The following WWTR1 variants were observed in gnomAD, a reference collection of about 807,000 sequenced individuals.
WWTR1 encodes WW domain-containing transcription regulator protein 1.
A neutral mutation model predicts 40.1 loss-of-function variants in WWTR1; 13 were observed. That is an observed-to-expected ratio of 0.32 (90% CI 0.21 to 0.52). The LOEUF is 0.52. Ranked by LOEUF, WWTR1 falls within the 20% of genes least tolerant of loss-of-function variation. The pLI, the probability that WWTR1 is intolerant of heterozygous loss-of-function variation, is 0.97. For missense variants in WWTR1, 436 were observed against 523.1 expected, an observed-to-expected ratio of 0.83 and a Z score of 1.63; for synonymous variants, 230 against 210.1, an observed-to-expected ratio of 1.09 and a Z score of -0.82.
chr3:149,565,971 A>C (rs537399342), intron 3 of WWTR1, among the ~76,000 whole-genome samples: 1 of 151,984 alleles, frequency 6.6e-6, no homozygotes, highest in Admixed American at 6.5e-5. Context: ...CGAAACCCCA[A>C]AGAAGGTAGC....
chr3:149,723,020 G>A (rs2108239427), intron 4 of WWTR1, among the ~76,000 whole-genome samples: 1 of 151,796 alleles, frequency 6.6e-6, no homozygotes, highest in Non-Finnish European at 1.5e-5. Context: ...CTCTTTTAGG[G>A]ACAATTTCTT....
At chr3:149,566,519 A>G (rs1737336091) in intron 3 of WWTR1, among the ~76,000 whole-genome samples, 2 of 152,232 alleles carry the variant, frequency 1.3e-5, no homozygotes, top group South Asian at 4.1e-4. Flanking sequence ...AAATCACAGT[A>G]GCCAGATGTG....
At chr3:149,586,738 C>A (rs1004588563) in intron 2 of WWTR1, among the ~76,000 whole-genome samples, 1 of 152,174 alleles carries the variant, frequency 6.6e-6, no homozygotes, top group Admixed American at 6.5e-5. Context: ...TTCGAACTTT[C>A]AGTCCCACAC....
At chr3:149,674,045 C>T (rs559046073) in intron 1 of WWTR1, among the ~76,000 whole-genome samples, 1 of 71,658 alleles carries the variant, frequency 1.4e-5, no homozygotes, top group African/African-American at 5.0e-5. Flanking sequence ...CATAGTAAGA[C>T]CTCGTCTCTA....
intron 2 of WWTR1, among the ~76,000 whole-genome samples, chr3:149,614,385 T>C (rs1739873200): frequency 6.6e-6 from 1 of 152,222 alleles, no homozygotes; most frequent in Non-Finnish European, 1.5e-5. Context: ...AGTAACATAC[T>C]GTACAGTTTT....
At chr3:149,562,016 C>T (rs534092605) in intron 3 of WWTR1, among the ~76,000 whole-genome samples, 2 of 152,090 alleles carry the variant, frequency 1.3e-5, no homozygotes, top group Non-Finnish European at 1.5e-5. Flanking sequence ...TATTTACTGG[C>T]CAGGCGCAGT....
chr3:149,525,017 G>A (rs1735231023), intron 6 of WWTR1, among the ~76,000 whole-genome samples: 1 of 152,130 alleles, frequency 6.6e-6, no homozygotes, highest in African/African-American at 2.4e-5. Flanking sequence ...ACTAACTTCA[G>A]TTTCTGCAAT....
chr3:149,536,352 T>C, intron 4 of WWTR1, among the ~76,000 whole-genome samples: 1 of 152,194 alleles, frequency 6.6e-6, no homozygotes. Context: ...AATGCTTTTC[T>C]AAAAGTTAAA....
chr3:149,694,432 A>G (rs1456333054), intron 1 of WWTR1, among the ~76,000 whole-genome samples: 3 of 152,154 alleles, frequency 2.0e-5, no homozygotes, highest in Non-Finnish European at 4.4e-5. Context: ...AACAACAACA[A>G]AAAAACAAGG....
chr3:149,553,918 A>T (rs1736717461), intron 3 of WWTR1, among the ~76,000 whole-genome samples: 1 of 152,150 alleles, frequency 6.6e-6, no homozygotes, highest in Non-Finnish European at 1.5e-5. Flanking sequence ...GCCTTGACTC[A>T]GTCACGATAC....
chr3:149,699,292 C>CTTTT (rs35576449), intron 1 of WWTR1, among the ~76,000 whole-genome samples: 4 of 131,708 alleles, frequency 3.0e-5, no homozygotes, highest in Non-Finnish European at 4.9e-5. Context: ...GGTCATCATT[C>CTTTT]TTTTTTTTTT....
At chr3:149,528,857 C>T (rs1035907246) in intron 4 of WWTR1, among the ~76,000 whole-genome samples, 2 of 152,096 alleles carry the variant, frequency 1.3e-5, no homozygotes, top group African/African-American at 2.4e-5. Context: ...AGATCCAATC[C>T]AAATCCCACA....
chr3:149,611,234 C>T (rs945003557), intron 2 of WWTR1, among the ~76,000 whole-genome samples: 5 of 152,036 alleles, frequency 3.3e-5, no homozygotes, highest in African/African-American at 4.8e-5. Context: ...GCAAAATGTA[C>T]GCAGAACCAA....
rs1735405070 is a variant in WWTR1, at chr3:149,527,961, G to A, written c.780C>T (p.Ala260=). The change falls in exon 5 of 7, where the codon GCC becomes GCT. Residue 260 remains alanine (A), a synonymous_variant. Coordinates refer to ENST00000360632, the MANE Select transcript of WWTR1 (RefSeq NM_015472.6). ...CTTCCATGGGGAGCTGTCGACAGAG[G>A]GCAGCTTCCTACAGTCAGAATGGGA... The part of the protein sequence containing the change: ...RQEELMRQEA[A]LCRQLPMEAE... The A allele has an allele frequency of 6.2e-7, 1 of 1,613,850 alleles. No individual in the cohort carries two copies. The highest frequency in any genetic ancestry group is 8.5e-7 in the Non-Finnish European group (1 of 1,179,916).
intron 2 of WWTR1, among the ~76,000 whole-genome samples, chr3:149,579,190 T>G (rs1738029901): frequency 6.6e-6 from 1 of 152,228 alleles, no homozygotes; most frequent in Admixed American, 6.5e-5. Context: ...TGCCCACCAT[T>G]TATTTAATAA....
chr3:149,626,058 C>A (rs188662547), intron 2 of WWTR1, among the ~76,000 whole-genome samples: 151 of 152,290 alleles, frequency 9.9e-4, no homozygotes, highest in Non-Finnish European at 9.6e-4. Context: ...ATAGCAATGA[C>A]TGCAAGGTAA....
intron 1 of WWTR1, 154 bp from the exon 2 acceptor site, chr3:149,657,463 A>T: frequency 3.4e-6 from 3 of 892,796 alleles, no homozygotes; most frequent in Non-Finnish European, 5.0e-6. Context: ...CCAGACACTC[A>T]GCGGTAAGAC....
chr3:149,678,856 CTT>C (rs1714362028), intron 1 of WWTR1, among the ~76,000 whole-genome samples: 1 of 139,206 alleles, frequency 7.2e-6, no homozygotes, highest in Non-Finnish European at 1.5e-5. Context: ...GAGTTTCGCT[CTT>C]GTTGCCCAAG....
intron 5 of WWTR1, among the ~76,000 whole-genome samples, chr3:149,526,747 T>C (rs896944252): frequency 1.3e-5 from 2 of 152,264 alleles, no homozygotes; most frequent in South Asian, 4.1e-4. Context: ...TTATTTCAGC[T>C]ACTATTTGTT....
Sources: gnomAD v4.1 joint callset for allele counts (sites outside exome capture counted in the v4.1 genomes callset) on GRCh38, gnomAD v4.1.1 for gene constraint, MANE v1.5 for transcripts, NCBI Gene and HGNC (gene_info 2026-07-23, HGNC 2026-07-21) for gene names.